C2CD3: variants seen among roughly 807,000 people sequenced by gnomAD.
The protein encoded by C2CD3 is C2 domain containing 3 centriole elongation regulator.
In C2CD3, 148 loss-of-function variants were observed where a neutral mutation model predicts 234.0. The observed-to-expected ratio is 0.63, with a 90% CI of 0.55 to 0.72. The LOEUF (loss-of-function observed/expected upper bound fraction) is 0.72, where lower values mean the gene tolerates loss of function less well. C2CD3 is among the 30% of genes least tolerant of loss of function. The pLI is 0.00. For synonymous variants in C2CD3, 1,000 were observed against 1,035.4 expected (o/e 0.97, Z 0.66); for missense variants, 2,577 against 2,811.5 (o/e 0.92, Z 1.89).
chr11:74,053,910 G>A (rs1415719579), intron 26 of C2CD3, among the ~76,000 whole-genome samples: 2 of 149,316 alleles, frequency 1.3e-5, no homozygotes, highest in African/African-American at 2.6e-5. Flanking sequence ...GCAGGAGATT[G>A]CTTGAGCCCA....
chr11:74,039,803 T>A (rs909942962), intron 29 of C2CD3, among the ~76,000 whole-genome samples: 4 of 152,166 alleles, frequency 2.6e-5, no homozygotes, highest in Admixed American at 2.0e-4. Context: ...AGAATGTCAA[T>A]AGTGCCAAAG....
At chr11:74,013,994 T>A (rs889384828) in intron 32 of C2CD3, among the ~76,000 whole-genome samples, 4 of 152,184 alleles carry the variant, frequency 2.6e-5, no homozygotes, top group Admixed American at 6.5e-5. Context: ...TGTTTGGCCC[T>A]TTGGAGCTCC....
chr11:74,029,349 G>A (rs1429545724), intron 31 of C2CD3, among the ~76,000 whole-genome samples: 2 of 152,206 alleles, frequency 1.3e-5, no homozygotes, highest in Non-Finnish European at 2.9e-5. Flanking sequence ...ACTTCAAGAA[G>A]GCAGAGATGA....
intron 21 of C2CD3, 156 bp downstream of exon 21, chr11:74,085,462 C>A (rs941248692): frequency 1.4e-6 from 1 of 698,896 alleles, no homozygotes; most frequent in African/African-American, 1.8e-5. Context: ...ATACTTAGTA[C>A]ATATCCTTAT....
chr11:74,067,448 C>A (rs996219990), intron 24 of C2CD3, among the ~76,000 whole-genome samples: 2 of 152,072 alleles, frequency 1.3e-5, no homozygotes, highest in Non-Finnish European at 2.9e-5. Flanking sequence ...ACAAAATAAT[C>A]ACTGGCTACA....
intron 26 of C2CD3, among the ~76,000 whole-genome samples, chr11:74,052,683 G>A (rs1953755329): frequency 6.6e-6 from 1 of 152,204 alleles, no homozygotes; most frequent in Non-Finnish European, 1.5e-5. Context: ...AGCTCTTGCT[G>A]TATTTATGAG....
intron 23 of C2CD3, among the ~76,000 whole-genome samples, chr11:74,077,208 T>C (rs1955075182): frequency 6.6e-6 from 1 of 152,026 alleles, no homozygotes; most frequent in Non-Finnish European, 1.5e-5. Context: ...ATTAATAAAC[T>C]AGCATTCTAG....
At position 74,168,670 on chromosome 11, in the gene C2CD3, T is replaced by C. The variant is rs191928332; in HGVS notation, c.56-57A>G. The C allele has an allele frequency of 4.3e-3, 6,264 of 1,461,786 alleles. 76 individuals carry two copies. Among genetic ancestry groups the C allele is most frequent in the Middle Eastern group, 0.033 (177 of 5,416 alleles). 90.6% of individuals were successfully genotyped at this position (1,461,786 alleles called of 1,614,324 possible). A position where few individuals can be genotyped will look rare whatever the true frequency, so the allele number is the denominator to read the frequency against. ...ATTTAGACTAAATATAGAAAACATA[T>C]AATATGCTTTTTGAATGAAAACAAA... On this transcript the variant is annotated intron_variant, in intron 1 of 32. Transcript: ENST00000334126.
At chr11:74,145,875 C>T (rs2135551235) in intron 3 of C2CD3, among the ~76,000 whole-genome samples, 1 of 152,218 alleles carries the variant, frequency 6.6e-6, no homozygotes, top group Non-Finnish European at 1.5e-5. Flanking sequence ...TACTGAAGAC[C>T]ACCACCTACC....
chr11:74,032,909 T>C (rs1952580735), intron 31 of C2CD3, among the ~76,000 whole-genome samples: 1 of 151,914 alleles, frequency 6.6e-6, no homozygotes, highest in Admixed American at 6.6e-5. Flanking sequence ...TCAGTTTCCT[T>C]ATATATGCAA....
chr11:74,019,414 T>C (rs1951999460), intron 32 of C2CD3, among the ~76,000 whole-genome samples: 1 of 152,262 alleles, frequency 6.6e-6, no homozygotes. Flanking sequence ...TCAGAGATAC[T>C]TTGACCTTTA....
In C2CD3 at chr11:74,042,110, A is replaced by G. The variant is rs139715233; in HGVS notation, c.5604T>C (p.Asp1868=). The G allele has an allele frequency of 3.1e-6, 5 of 1,614,038 alleles. No individual in the cohort carries two copies. Among genetic ancestry groups the G allele is most frequent in the Non-Finnish European group, 4.2e-6 (5 of 1,180,008 alleles). ...HLQGEAPLPC[D]DKLTTSPLSS... is the part of the protein sequence containing the mutation. ...ACAAAGGTGATGTGGTCAGTTTGTC[A>G]TCACATGGCAAGGGTGCCTCTCCCT... is the stretch of plus-strand genomic sequence containing the variant. Residue 1868 remains aspartate, a synonymous_variant, in exon 29 of 33, where the codon GAT becomes GAC. Transcript: ENST00000334126.
In C2CD3 at chr11:74,166,322, A is replaced by G. The variant is rs544338622; in HGVS notation, c.325+2022T>C. Among the ~76,000 whole-genome samples, 4 of 150,344 alleles carry G rather than the reference A, an allele frequency of 2.7e-5. 1 individual carries two copies. In the South Asian group the frequency reaches 8.3e-4, roughly 31 times the overall value. On this transcript the variant is annotated intron_variant, in intron 2 of 32. Coordinates refer to ENST00000334126, the MANE Select transcript of C2CD3 (RefSeq NM_001286577.2). ...ACAGAGTGAGACTCCGTCTTAAAAA[A>G]AAAAAAAAAAAAACCATGTCATGTC...
chr11:74,088,147 C>T (rs1590762760), intron 20 of C2CD3, among the ~76,000 whole-genome samples: 4 of 152,178 alleles, frequency 2.6e-5, no homozygotes, highest in Admixed American at 2.6e-4. Context: ...AAATAGAGGT[C>T]ACAATTATCT....
intron 24 of C2CD3, among the ~76,000 whole-genome samples, chr11:74,063,054 C>T (rs1954324402): frequency 6.6e-6 from 1 of 152,130 alleles, no homozygotes; most frequent in Non-Finnish European, 1.5e-5. Flanking sequence ...TTCCTGGACA[C>T]ACACACCCTC....
intron 24 of C2CD3, among the ~76,000 whole-genome samples, chr11:74,061,057 G>A (rs939419515): frequency 2.0e-5 from 3 of 152,080 alleles, no homozygotes; most frequent in Non-Finnish European, 2.9e-5. Context: ...GAAATGAAGC[G>A]AGTAGAGAAG....
chr11:74,169,957 G>A (rs1348638291), intron 1 of C2CD3, among the ~76,000 whole-genome samples: 1 of 152,150 alleles, frequency 6.6e-6, no homozygotes, highest in Non-Finnish European at 1.5e-5. Context: ...AAAAGGCAGG[G>A]TCACCCACTG....
At chr11:74,111,919 T>TATACAC (rs1268922802) in intron 11 of C2CD3, among the ~76,000 whole-genome samples, 1 of 125,112 alleles carries the variant, frequency 8.0e-6, no homozygotes, top group Non-Finnish European at 1.7e-5. Context: ...TATTTGCTGA[T>TATACAC]ACACACACAC....
At chr11:74,150,978 T>G (rs1030881976) in intron 3 of C2CD3, among the ~76,000 whole-genome samples, 11 of 151,824 alleles carry the variant, frequency 7.2e-5, no homozygotes, top group African/African-American at 2.4e-4. Flanking sequence ...GCTGGAGTAG[T>G]GCAATGGCAC....
Sources: allele counts gnomAD v4.1 joint callset (sites outside exome capture counted in the v4.1 genomes callset), GRCh38; gene constraint gnomAD v4.1.1; transcripts MANE v1.5; gene names NCBI Gene and HGNC (gene_info 2026-07-23, HGNC 2026-07-21).